The following CATSPERE variants were observed in gnomAD, a reference collection of about 807,000 sequenced individuals.
CATSPERE encodes the protein cation channel sperm-associated auxiliary subunit epsilon.
In CATSPERE, 93 loss-of-function variants were observed where a neutral mutation model predicts 114.1. The ratio of observed to expected loss-of-function variants is 0.81; its 90% CI spans 0.69 to 0.97. CATSPERE has a LOEUF of 0.97. Among genes scored for constraint, CATSPERE ranks in the 50% least tolerant of loss-of-function variants. The pLI, the probability that CATSPERE is intolerant of heterozygous loss-of-function variation, is 0.00. For missense variants in CATSPERE, 1,058 were observed against 1,131.6 expected (o/e 0.93, Z 0.93); for synonymous variants, 341 against 384.1 (o/e 0.89, Z 1.31).
At chr1:244,630,649 G>A (rs1367706848) in intron 20 of CATSPERE, among the ~76,000 whole-genome samples, 1 of 152,190 alleles carries the variant, frequency 6.6e-6, no homozygotes, top group Non-Finnish European at 1.5e-5. Context: ...ACTTTGAGAT[G>A]AAGGTTAGCA....
chr1:244,494,049 C>T (rs1003647152), intron 6 of CATSPERE, among the ~76,000 whole-genome samples: 5 of 152,090 alleles, frequency 3.3e-5, no homozygotes, highest in African/African-American at 1.2e-4. Flanking sequence ...TGTGGCGATT[C>T]CTCAGGGATC....
chr1:244,554,516 C>G (rs1426417688), intron 9 of CATSPERE, among the ~76,000 whole-genome samples: 1 of 151,656 alleles, frequency 6.6e-6, no homozygotes, highest in Non-Finnish European at 1.5e-5. Flanking sequence ...ATGGTGAGAC[C>G]CCATCTCTAA....
In CATSPERE at chr1:244,482,443, A is replaced by C. The variant is rs190849731; in HGVS notation, c.326+2659A>C. 1.6e-3 allele frequency among the ~76,000 whole-genome samples: 247 copies of C among 151,988 alleles called. 1 individual carries two copies. The highest frequency in any genetic ancestry group is 5.7e-3 in the African/African-American group (236 of 41,452). On this transcript the variant is annotated intron_variant, in intron 5 of 21. Coordinates refer to ENST00000366534, the MANE Select transcript of CATSPERE (RefSeq NM_001130957.2). ...ATAGCAAGACTTGTCTCTACAAAAA[A>C]CGTTAAAAAGTTGTCAGGCATGATG...
intron 5 of CATSPERE, among the ~76,000 whole-genome samples, 161 bp from the exon 6 acceptor site, chr1:244,490,286 T>C (rs895847762): frequency 1.3e-5 from 2 of 152,174 alleles, no homozygotes; most frequent in Admixed American, 6.5e-5. Flanking sequence ...TAAATAGACA[T>C]GTGATTTTTT....
At chr1:244,510,835 CTTTTTTTTT>C (rs747921082) in intron 7 of CATSPERE, among the ~76,000 whole-genome samples, 31 of 48,320 alleles carry the variant, frequency 6.4e-4, no homozygotes, top group Admixed American at 1.3e-3. Context: ...TTTTCTTTTT[CTTTTTTTTT>C]TTTTTTTTTT....
At chr1:244,467,145 C>T (rs3006009) in intron 2 of CATSPERE, among the ~76,000 whole-genome samples, 97,984 of 151,994 alleles carry the variant, frequency 0.64, 31,991 homozygotes, top group Middle Eastern at 0.74. Context: ...TACTAAATAA[C>T]TCAACAATTT....
In CATSPERE at chr1:244,607,974, GCACACAC is replaced by G. The variant is rs2148683435; in HGVS notation, c.2403+2182_2403+2188del. Among the ~76,000 whole-genome samples, 1 of 152,200 alleles carries G rather than the reference GCACACAC, an allele frequency of 6.6e-6. No homozygotes were observed. The highest frequency in any genetic ancestry group is 1.5e-5 in the Non-Finnish European group (1 of 68,024). ...ATAAAAAAATTAGCTGGGCATGCTG[GCACACAC>G]CTGTAATCCCAGCTACTCAGGAGGC... On this transcript the variant is annotated intron_variant, in intron 18 of 21. Coordinates refer to ENST00000366534, the MANE Select transcript of CATSPERE (RefSeq NM_001130957.2). The surrounding 1 kb of genome is among the most constrained non-coding windows in gnomAD (Gnocchi z 4.4).
intron 17 of CATSPERE, among the ~76,000 whole-genome samples, chr1:244,600,798 C>T (rs1043757265): frequency 1.3e-4 from 19 of 151,132 alleles, no homozygotes; most frequent in African/African-American, 3.9e-4. Flanking sequence ...GGAAAAGTCA[C>T]CACCATCAAA....
chr1:244,617,400 C>T, intron 19 of CATSPERE, 129 bp from the exon 20 acceptor site: 1 of 673,982 alleles, frequency 1.5e-6, no homozygotes, highest in South Asian at 2.4e-5. Flanking sequence ...ATAAAGAGCA[C>T]TGCAGGGGTA....
At chr1:244,590,321 AG>A (rs1488788148) in intron 14 of CATSPERE, among the ~76,000 whole-genome samples, 5 of 152,230 alleles carry the variant, frequency 3.3e-5, no homozygotes, top group Non-Finnish European at 4.4e-5. Flanking sequence ...ATTTAAAAGA[AG>A]TTTACATCTA....
In CATSPERE at chr1:244,593,738, G is replaced by A. The variant is rs1274432346; in HGVS notation, c.2303+160G>A. On this transcript the variant is annotated intron_variant, in intron 17 of 21. Transcript: ENST00000366534. ...AGTACTAGTTATACAAAGCTGGGCC[G>A]TGATGGTCCCTGCATGTTGAGGGAC... is the stretch of plus-strand genomic sequence containing the variant. Among the ~76,000 whole-genome samples the A allele has an allele frequency of 3.9e-5, 6 of 152,142 alleles. No individual in the cohort carries two copies. In the East Asian group the frequency reaches 7.7e-4, roughly 20 times the overall value.
At chr1:244,537,744 T>C (rs868261297) in intron 8 of CATSPERE, among the ~76,000 whole-genome samples, 17 of 152,254 alleles carry the variant, frequency 1.1e-4, no homozygotes, top group Middle Eastern at 3.2e-3. Context: ...TTCTTTTAAA[T>C]TTTGTTAAGG....
chr1:244,552,865 G>T, intron 9 of CATSPERE, 51 bp downstream of exon 9: 1 of 969,830 alleles, frequency 1.0e-6, no homozygotes, highest in Non-Finnish European at 1.3e-6. Context: ...TTTTACAAAG[G>T]TATTTACCAT....
chr1:244,458,934 C>T (rs1371774175), upstream of CATSPERE, among the ~76,000 whole-genome samples: 1 of 152,190 alleles, frequency 6.6e-6, no homozygotes, highest in Admixed American at 6.5e-5. Flanking sequence ...ACCTTGTCCA[C>T]ACAGAGTGTC....
At chr1:244,505,222 G>A (rs140840033) in intron 7 of CATSPERE, among the ~76,000 whole-genome samples, 245 of 152,142 alleles carry the variant, frequency 1.6e-3, no homozygotes, top group African/African-American at 5.2e-3. Context: ...AAGCTAATCC[G>A]GTATAATTCC....
At chr1:244,562,846 T>C (rs1335927756) in intron 10 of CATSPERE, among the ~76,000 whole-genome samples, 1 of 152,162 alleles carries the variant, frequency 6.6e-6, no homozygotes, top group Non-Finnish European at 1.5e-5. Context: ...CAACCTGTCA[T>C]CTACATTAGG....
chr1:244,464,864 G>A (rs1198394315), intron 2 of CATSPERE, among the ~76,000 whole-genome samples: 1 of 151,060 alleles, frequency 6.6e-6, no homozygotes, highest in Non-Finnish European at 1.5e-5. Flanking sequence ...CGTTAACACA[G>A]TGCTATCTAC....
In CATSPERE at chr1:244,475,897, A is replaced by G. The variant is rs1669270024; in HGVS notation, c.115-1644A>G. Among the ~76,000 whole-genome samples, 3 of 152,130 alleles carry G rather than the reference A, an allele frequency of 2.0e-5. 1 individual carries two copies. The highest frequency in any genetic ancestry group is 1.3e-4 in the Admixed American group (2 of 15,260). ...TTTATTCATAAACATTTTATACTTT[A>G]TGACTTTTGCTTATGAATCATTTAG... On this transcript the variant is annotated intron_variant, in intron 2 of 21. Coordinates refer to ENST00000366534, the MANE Select transcript of CATSPERE (RefSeq NM_001130957.2).
rs994181902 is a variant in CATSPERE at position 244,504,560 on chromosome 1, C to T, written c.429+5481C>T. ...TATATTTAGTTGTCTTGTCTCTTTACGTTCTTAATTGTGACAGTTTCTAGA... is the reference window on the plus strand; with the variant it reads ...TATATTTAGTTGTCTTGTCTCTTTATGTTCTTAATTGTGACAGTTTCTAGA... On this transcript the variant is annotated intron_variant, in intron 7 of 21. Transcript: ENST00000366534. This position sits in a 1 kb window ranked among gnomAD's most constrained non-coding sequence, Gnocchi z 4.1. 2.0e-5 allele frequency among the ~76,000 whole-genome samples: 3 copies of T among 152,172 alleles called. No homozygotes were observed. The highest frequency in any genetic ancestry group is 6.5e-5 in the Admixed American group (1 of 15,278).
Sources: allele counts gnomAD v4.1 joint callset (sites outside exome capture counted in the v4.1 genomes callset), GRCh38; gene constraint gnomAD v4.1.1; non-coding constraint Gnocchi (gnomAD v3.1); transcripts MANE v1.5; gene names NCBI Gene and HGNC (gene_info 2026-07-23, HGNC 2026-07-21).